DIP2A: variants seen among roughly 807,000 people sequenced by gnomAD.
DIP2A encodes the protein disco-interacting protein 2 homolog A.
DIP2A carries 85 observed loss-of-function variants against 177.4 expected under a neutral mutation model. That is an observed-to-expected ratio of 0.48 (90% CI 0.40 to 0.57). DIP2A has a LOEUF of 0.57. DIP2A is among the 20% of genes least tolerant of loss of function. DIP2A has a pLI of 0.00. For missense variants in DIP2A, 1,791 were observed against 2,100.2 expected, an observed-to-expected ratio of 0.85 and a Z score of 2.88; for synonymous variants, 886 against 881.8, an observed-to-expected ratio of 1.00 and a Z score of -0.08.
the DIP2A span, among the ~76,000 whole-genome samples, chr21:46,579,750 T>C: frequency 1.6e-4 from 25 of 152,346 alleles, 2 homozygotes; most frequent in African/African-American, 5.8e-4. Flanking sequence ...AGTTTCCATG[T>C]AGTTGTGTGG....
At chr21:46,544,702 A>AG (rs1052454592) in intron 18 of DIP2A, among the ~76,000 whole-genome samples, 1 of 152,242 alleles carries the variant, frequency 6.6e-6, no homozygotes, top group African/African-American at 2.4e-5. Flanking sequence ...GTTACTAGAA[A>AG]GGGGGCAGGC....
chr21:46,523,278 A>G (rs1009698984), intron 8 of DIP2A, among the ~76,000 whole-genome samples: 10 of 151,672 alleles, frequency 6.6e-5, no homozygotes, highest in Non-Finnish European at 1.2e-4. Flanking sequence ...TCTGTCGCCC[A>G]GGCTGGAGTG....
chr21:46,488,877 A>C (rs1199013172), intron 2 of DIP2A, among the ~76,000 whole-genome samples: 1 of 152,246 alleles, frequency 6.6e-6, no homozygotes, highest in Non-Finnish European at 1.5e-5. Flanking sequence ...CTCAAAGAAT[A>C]AAAGGATGCA....
intron 8 of DIP2A, among the ~76,000 whole-genome samples, chr21:46,522,144 T>G (rs1228897935): frequency 6.6e-6 from 1 of 152,260 alleles, no homozygotes; most frequent in African/African-American, 2.4e-5. Flanking sequence ...AAACTGTCTT[T>G]ATTTCCCAAA....
intron 8 of DIP2A, among the ~76,000 whole-genome samples, chr21:46,524,837 A>G (rs2058993150): frequency 6.9e-6 from 1 of 144,308 alleles, no homozygotes; most frequent in African/African-American, 2.6e-5. Flanking sequence ...AGTTCTATCA[A>G]TCACCTTCTT....
At chr21:46,509,783 A>G (rs1484189225) in intron 7 of DIP2A, among the ~76,000 whole-genome samples, 1 of 152,152 alleles carries the variant, frequency 6.6e-6, no homozygotes. Context: ...GAATACACAC[A>G]TATTTTTTAA....
At chr21:46,509,015 C>G (rs1601584735) in intron 6 of DIP2A, among the ~76,000 whole-genome samples, 1 of 151,662 alleles carries the variant, frequency 6.6e-6, no homozygotes, top group Non-Finnish European at 1.5e-5. Context: ...GAGTCTCCGT[C>G]TAAAGCAAAA....
At chr21:46,573,212 G>A (rs919968968), downstream of DIP2A, among the ~76,000 whole-genome samples, 1 of 151,878 alleles carries the variant, frequency 6.6e-6, no homozygotes, top group Non-Finnish European at 1.5e-5. Context: ...AGTGACAGAA[G>A]TAAGTCTCTC....
intron 6 of DIP2A, among the ~76,000 whole-genome samples, chr21:46,506,804 CTTTTT>C (rs56782646): frequency 1.3e-5 from 1 of 74,260 alleles, no homozygotes; most frequent in Non-Finnish European, 2.7e-5. Flanking sequence ...TCTTTCTTCT[CTTTTT>C]TTTTTTTTTT....
At chr21:46,470,743 G>A (rs1451951355) in intron 1 of DIP2A, among the ~76,000 whole-genome samples, 12 of 146,596 alleles carry the variant, frequency 8.2e-5, no homozygotes, top group African/African-American at 3.1e-4. Flanking sequence ...CAGCCTGGAC[G>A]ACAGAGTGAG....
At chr21:46,519,982 C>T (rs1480052538) in intron 8 of DIP2A, among the ~76,000 whole-genome samples, 1 of 144,974 alleles carries the variant, frequency 6.9e-6, no homozygotes, top group Non-Finnish European at 1.5e-5. Context: ...TCACGCCATT[C>T]TCCTGCCTCA....
At chr21:46,547,076 A>G (rs753840953) in intron 21 of DIP2A, 34 bp downstream of exon 21, 103 of 1,600,678 alleles carry the variant, frequency 6.4e-5, no homozygotes, top group Non-Finnish European at 7.4e-5. Context: ...CCGGGAGTAG[A>G]TTCCTTCATT....
intron 5 of DIP2A, among the ~76,000 whole-genome samples, chr21:46,502,077 G>T (rs1029388673): frequency 6.6e-6 from 1 of 152,100 alleles, no homozygotes; most frequent in African/African-American, 2.4e-5. Flanking sequence ...ATACTAACAG[G>T]TACCTTCATT....
intron 7 of DIP2A, among the ~76,000 whole-genome samples, chr21:46,510,288 C>T (rs776770154): frequency 5.3e-5 from 8 of 152,236 alleles, no homozygotes; most frequent in African/African-American, 7.2e-5. Flanking sequence ...TTATTCTGGC[C>T]GTGCTGGCAG....
chr21:46,503,015 C>T (rs1046431045), intron 5 of DIP2A, among the ~76,000 whole-genome samples: 8 of 151,968 alleles, frequency 5.3e-5, no homozygotes, highest in African/African-American at 1.9e-4. Flanking sequence ...AATGTTACAC[C>T]AATTCTACTT....
At chr21:46,473,232 T>A (rs1188272641) in intron 1 of DIP2A, among the ~76,000 whole-genome samples, 2 of 152,152 alleles carry the variant, frequency 1.3e-5, no homozygotes, top group African/African-American at 4.8e-5. Context: ...AATTTCCTAT[T>A]TTTAATTAAA....
At position 46,557,656 on chromosome 21, in the gene DIP2A, C is replaced by T. The variant is rs767921130; in HGVS notation, c.3701C>T (p.Ser1234Leu). 1.9e-6 allele frequency: 3 copies of T among 1,612,186 alleles called. No individual in the cohort carries two copies. The highest frequency in any genetic ancestry group is 2.5e-6 in the Non-Finnish European group (3 of 1,179,730). ...ELESNVSLWL[S>L]AVSQYKARVT... is the part of the protein sequence containing the mutation. ...GAGAGCAACGTGTCCCTGTGGCTGT[C>T]GGCCGTCAGCCAGTACAAGGCCCGC... The change falls in exon 31 of 38, where the codon TCG (serine) becomes TTG (leucine). Residue 1234 changes from serine to leucine, a missense_variant. Coordinates refer to ENST00000417564, the MANE Select transcript of DIP2A (RefSeq NM_015151.4). The surrounding 1 kb of genome is among the most constrained non-coding windows in gnomAD (Gnocchi z 6.0).
chr21:46,513,359 A>G (rs558208061), intron 8 of DIP2A, among the ~76,000 whole-genome samples: 12 of 152,238 alleles, frequency 7.9e-5, no homozygotes, highest in African/African-American at 1.7e-4. Context: ...TGAAAAGGCA[A>G]TCCTTTCCCC....
At position 46,554,930 on chromosome 21, in the gene DIP2A, A is replaced by G. The variant is rs376415745; in HGVS notation, c.3385A>G (p.Thr1129Ala). The G allele has an allele frequency of 6.4e-6, 10 of 1,551,688 alleles. No individual in the cohort carries two copies. Among genetic ancestry groups the G allele is most frequent in the Non-Finnish European group, 8.7e-6 (10 of 1,147,588 alleles). Reference sequence around the variant, plus strand: ...CAGGACCTGGCCCACCATCCTAGACACAGGTGCGTGTCCTCGCACTGCCCA... The same window carrying G: ...CAGGACCTGGCCCACCATCCTAGACGCAGGTGCGTGTCCTCGCACTGCCCA... Reference protein sequence around the residue: ...DIRTWPTILDTDDIPKKKIAS... With the variant: ...DIRTWPTILDADDIPKKKIAS... Residue 1129 changes from threonine (T) to alanine (A), a missense_variant, in exon 28 of 38, where the codon ACA becomes GCA. By Grantham distance (58) the Thr-to-Ala change is moderately conservative (BLOSUM62 0). Coordinates refer to ENST00000417564, the MANE Select transcript of DIP2A (RefSeq NM_015151.4).
Sources: allele counts gnomAD v4.1 joint callset (sites outside exome capture counted in the v4.1 genomes callset), GRCh38; gene constraint gnomAD v4.1.1; non-coding constraint Gnocchi (gnomAD v3.1); transcripts MANE v1.5; gene names NCBI Gene and HGNC (gene_info 2026-07-23, HGNC 2026-07-21).